Variants in NBEA observed in about 807,000 individuals in gnomAD.
The protein encoded by NBEA is neurobeachin, also known as lysosomal-trafficking regulator 2.
Under a neutral mutation model 343.4 loss-of-function variants are expected in NBEA, and 44 were observed. That is an observed-to-expected ratio of 0.13 (90% CI 0.10 to 0.16). The LOEUF (loss-of-function observed/expected upper bound fraction) is 0.16. Among genes scored for constraint, NBEA ranks in the 10% least tolerant of loss-of-function variants. The pLI is 1.00. For missense variants in NBEA, 2,555 were observed against 3,631.3 expected (o/e 0.70, Z 7.62); for synonymous variants, 1,175 against 1,238.7 (o/e 0.95, Z 1.08).
chr13:35,243,512 T>C (rs905628222), intron 34 of NBEA, among the ~76,000 whole-genome samples: 10 of 151,818 alleles, frequency 6.6e-5, no homozygotes, highest in Non-Finnish European at 1.2e-4. Context: ...GTGCTGTCTT[T>C]AAGAGACACT....
In NBEA at chr13:35,521,048, G is replaced by A. The variant is rs149827948; in HGVS notation, c.6586-29429G>A. Among the ~76,000 whole-genome samples, 391 of 152,124 alleles carry A rather than the reference G, an allele frequency of 2.6e-3. 11 individuals carry two copies. The East Asian group carries it at 0.057, about 22-fold the overall frequency. ...GAAATTTCTGCTCTCATTTTCCAGA[G>A]CATTTTCATTGCTGGGTGTTGGAGG... On this transcript the variant is annotated intron_variant, in intron 41 of 58. Transcript: ENST00000379939.
chr13:35,464,396 A>G (rs1458220188), intron 40 of NBEA, among the ~76,000 whole-genome samples: 1 of 152,182 alleles, frequency 6.6e-6, no homozygotes, highest in Non-Finnish European at 1.5e-5. Flanking sequence ...AATGCTCTCG[A>G]AGACCACAAC....
At chr13:35,516,142 A>G (rs535971836) in intron 41 of NBEA, among the ~76,000 whole-genome samples, 21 of 152,290 alleles carry the variant, frequency 1.4e-4, no homozygotes, top group African/African-American at 5.1e-4. Flanking sequence ...TACAAGCTTA[A>G]ATATGTATCC....
intron 1 of NBEA, among the ~76,000 whole-genome samples, chr13:34,970,203 A>C (rs1205607959): frequency 6.6e-6 from 1 of 152,130 alleles, no homozygotes; most frequent in African/African-American, 2.4e-5. Context: ...TCTTTTGAGA[A>C]GTGTCTGTTC....
Position 35,161,980 on chromosome 13 carries a change from C to A in NBEA, c.4079+13C>A. The A allele has an allele frequency of 6.6e-7, 1 of 1,526,440 alleles. No individual in the cohort carries two copies. Among genetic ancestry groups the A allele is most frequent in the South Asian group, 1.2e-5 (1 of 80,994 alleles). The allele number at this position is 1,526,440 out of a possible 1,614,324, so 94.6% of individuals were successfully genotyped here. ...ATGTTTGGAGGAGGTAGAAATATTTCTTTTTTATAAATTAAAAGCAAATAT... is the reference window on the plus strand; with the variant it reads ...ATGTTTGGAGGAGGTAGAAATATTTATTTTTTATAAATTAAAAGCAAATAT... On this transcript the variant is annotated intron_variant, in intron 23 of 58. Coordinates refer to ENST00000379939, the MANE Select transcript of NBEA (RefSeq NM_001385012.1).
chr13:35,157,990 A>G (rs1300319147), intron 21 of NBEA, among the ~76,000 whole-genome samples: 1 of 152,174 alleles, frequency 6.6e-6, no homozygotes. Context: ...AGTAAATATT[A>G]TAGGCTGTGT....
At chr13:35,004,069 G>A (rs1228793487) in intron 1 of NBEA, among the ~76,000 whole-genome samples, 1 of 152,070 alleles carries the variant, frequency 6.6e-6, no homozygotes, top group South Asian at 2.1e-4. Flanking sequence ...GAGGATAATG[G>A]CTTCCAGTTT....
chr13:35,597,783 C>T (rs1194408159), intron 47 of NBEA, among the ~76,000 whole-genome samples: 2 of 152,020 alleles, frequency 1.3e-5, no homozygotes, highest in Non-Finnish European at 1.5e-5. Flanking sequence ...TGCCTAGGCC[C>T]GGAAGTCACA....
chr13:34,944,846 G>A (rs758625383), intron 1 of NBEA, among the ~76,000 whole-genome samples: 2 of 152,036 alleles, frequency 1.3e-5, no homozygotes, highest in Non-Finnish European at 2.9e-5. Flanking sequence ...TTTTAACCTG[G>A]TAAGAGGCAG....
chr13:35,072,268 A>G lies in NBEA; in HGVS notation c.1571+1416A>G, dbSNP rs554926868. Among the ~76,000 whole-genome samples, 67 of 152,254 alleles carry G rather than the reference A, an allele frequency of 4.4e-4. 1 individual carries two copies. In the South Asian group the frequency reaches 0.013, roughly 30 times the overall value. On this transcript the variant is annotated intron_variant, in intron 10 of 58. Coordinates refer to ENST00000379939, the MANE Select transcript of NBEA (RefSeq NM_001385012.1). ...TTTCTTATGAAATAATATGAAATACATATATTATCAAATCTTACTGCTAAA... is the reference window on the plus strand; with the variant it reads ...TTTCTTATGAAATAATATGAAATACGTATATTATCAAATCTTACTGCTAAA...
At chr13:35,298,211 G>GTATATA (rs72309538) in intron 35 of NBEA, among the ~76,000 whole-genome samples, 7 of 103,040 alleles carry the variant, frequency 6.8e-5, no homozygotes, top group African/African-American at 3.0e-4. Flanking sequence ...GTGTGTGTGT[G>GTATATA]TATATATATA....
In NBEA at chr13:35,415,454, T is replaced by C. The variant is rs766111114; in HGVS notation, c.6180-16815T>C. ...TCCAGTTTCAGCTTTCTACATATGG[T>C]TAGCCAGTTTTCCCAGCACCATTTA... On this transcript the variant is annotated intron_variant, in intron 38 of 58. Coordinates refer to ENST00000379939, the MANE Select transcript of NBEA (RefSeq NM_001385012.1). 6.9e-3 allele frequency among the ~76,000 whole-genome samples: 1,052 copies of C among 152,220 alleles called. 10 individuals are homozygous for C. Among genetic ancestry groups the C allele is most frequent in the Middle Eastern group, 0.024 (7 of 294 alleles).
chr13:35,240,577 T>C (rs1344555927), intron 34 of NBEA, among the ~76,000 whole-genome samples: 2 of 151,948 alleles, frequency 1.3e-5, no homozygotes, highest in Admixed American at 1.3e-4. Context: ...AATTCTGCAA[T>C]ACAAATTGAG....
intron 39 of NBEA, among the ~76,000 whole-genome samples, chr13:35,444,458 A>C (rs1566142471): frequency 1.3e-5 from 2 of 152,054 alleles, no homozygotes; most frequent in Non-Finnish European, 2.9e-5. Context: ...AATGAATTGC[A>C]ACATTTTATT....
At chr13:35,333,937 T>C (rs2152850870) in intron 36 of NBEA, among the ~76,000 whole-genome samples, 1 of 152,256 alleles carries the variant, frequency 6.6e-6, no homozygotes. Context: ...TCTTTATCAA[T>C]TCATCTGTTG....
intron 39 of NBEA, 122 bp downstream of exon 39, chr13:35,432,515 T>G: frequency 1.1e-6 from 1 of 882,228 alleles, no homozygotes; most frequent in African/African-American, 1.7e-5. Context: ...GTCAGAAATA[T>G]TTTGTTCTGC....
At chr13:35,153,311 G>A (rs1293998182) in intron 18 of NBEA, among the ~76,000 whole-genome samples, 1 of 152,064 alleles carries the variant, frequency 6.6e-6, no homozygotes, top group Non-Finnish European at 1.5e-5. Context: ...GGGATTACAG[G>A]TGTGAGCCAC....
chr13:35,009,108 C>T (rs1261045580), intron 1 of NBEA, among the ~76,000 whole-genome samples: 2 of 152,128 alleles, frequency 1.3e-5, no homozygotes, highest in Non-Finnish European at 2.9e-5. Flanking sequence ...ATTCCCAGCT[C>T]ATTGGAATTA....
At position 35,628,237 on chromosome 13, in the gene NBEA, G is replaced by A. The variant is rs2083308283; in HGVS notation, c.7606G>A (p.Val2536Met). 6.2e-7 allele frequency: 1 copy of A among 1,603,550 alleles called. No homozygotes were observed. Among genetic ancestry groups the A allele is most frequent in the East Asian group, 2.3e-5 (1 of 44,352 alleles). ...SVNLDSITDP[V>M]LREIPEAYFI... ...GAACCTGGATAGTATCACTGATCCT[G>A]TGCTCAGGGAGGTAGGTGTTAAATC... Residue 2536 changes from valine (V) to methionine (M), a missense_variant, in exon 49 of 59, where the codon GTG becomes ATG. By Grantham distance (21) the Val-to-Met change is conservative. Around this residue, in one of 21 missense-constraint regions of NBEA, gnomAD observed 87 missense variants for 75.0 expected, o/e 1.16. Transcript: ENST00000379939.
Sources: gnomAD v4.1 joint callset for allele counts (sites outside exome capture counted in the v4.1 genomes callset) on GRCh38, gnomAD v4.1.1 for gene constraint, gnomAD v4.1.1 regional missense constraint, MANE v1.5 for transcripts, NCBI Gene and HGNC (gene_info 2026-07-23, HGNC 2026-07-21) for gene names.